Variants in SLA2 observed in about 807,000 individuals in gnomAD.
SLA2 encodes the protein Src like adaptor 2, also known as src-like-adapter 2.
In SLA2, 22 loss-of-function variants were observed where a neutral mutation model predicts 27.3. That is an observed-to-expected ratio of 0.81 (90% CI 0.58 to 1.15). The LOEUF (loss-of-function observed/expected upper bound fraction) is 1.15. Ranked by LOEUF, SLA2 falls within the 50% of genes most tolerant of loss-of-function variation. The probability of loss-of-function intolerance (pLI) is 0.00; values close to 1 mark genes in which losing one functional copy is unlikely to be tolerated. For missense variants in SLA2, 304 were observed against 322.2 expected (o/e 0.94, Z 0.43); for synonymous variants, 131 against 137.8 (o/e 0.95, Z 0.34).
intron 2 of SLA2, among the ~76,000 whole-genome samples, chr20:36,639,299 T>C (rs7274018): frequency 0.015 from 2,352 of 152,238 alleles, 70 homozygotes; most frequent in African/African-American, 0.054. Context: ...AACTCAGGAC[T>C]GCAGCATCAG....
intron 4 of SLA2, 65 bp downstream of exon 4, chr20:36,633,478 A>G (rs1312658810): frequency 1.5e-6 from 2 of 1,367,592 alleles, no homozygotes; most frequent in African/African-American, 2.9e-5. Flanking sequence ...CCGTGCACAA[A>G]GGGGAGTTCT....
rs1450936539 is a variant in SLA2, at chr20:36,645,960, C to G, written c.-167G>C. On this transcript the variant is annotated 5_prime_UTR_variant, in exon 1 of 8. Coordinates refer to ENST00000262866, the MANE Select transcript of SLA2 (RefSeq NM_032214.4). ...GTCCTTGGTCCTAGGACACCCAGAA[C>G]TCTCTCAGCCTGGGAGGATCTTCAG... The G allele has an allele frequency of 6.6e-6, 1 of 152,322 alleles. No individual in the cohort carries two copies. Among genetic ancestry groups the G allele is most frequent in the Non-Finnish European group, 1.5e-5 (1 of 68,124 alleles). 9.4% of individuals were successfully genotyped at this position (152,322 alleles called of 1,614,324 possible).
At position 36,615,274 on chromosome 20, in the gene SLA2, T is replaced by C. The variant is rs1372869666; in HGVS notation, c.483A>G (p.Ser161=). ...HCLDNGWLYI[S]PRLTFPSLQA... ...GGAGTGAGGGGAAGGTGAGGCGCGG[T>C]GAGATGTACAGCCAGCCATTGTCAA... is the stretch of plus-strand genomic sequence containing the variant. Residue 161 remains serine (S), a synonymous_variant, in exon 6 of 8, where the codon TCA becomes TCG. Coordinates refer to ENST00000262866, the MANE Select transcript of SLA2 (RefSeq NM_032214.4). 6.2e-7 allele frequency: 1 copy of C among 1,613,786 alleles called. No homozygotes were observed. The highest frequency in any genetic ancestry group is 1.7e-5 in the Admixed American group (1 of 59,972).
chr20:36,643,665 A>G (rs1258517189), intron 1 of SLA2, among the ~76,000 whole-genome samples: 1 of 152,056 alleles, frequency 6.6e-6, no homozygotes, highest in Non-Finnish European at 1.5e-5. Flanking sequence ...GAATAACAAT[A>G]CCTGGGCCGG....
At chr20:36,628,236 G>A (rs796116302) in intron 5 of SLA2, among the ~76,000 whole-genome samples, 12 of 152,256 alleles carry the variant, frequency 7.9e-5, no homozygotes, top group African/African-American at 2.4e-4. Flanking sequence ...GTTCTATGAC[G>A]TCACTTGGGC....
intron 2 of SLA2, among the ~76,000 whole-genome samples, chr20:36,636,611 G>GAA (rs1185102769): frequency 0.23 from 17,132 of 73,492 alleles, 2,563 homozygotes; most frequent in Non-Finnish European, 0.3. Flanking sequence ...ATCTCAAAAA[G>GAA]AAAAAAAAAA....
Position 36,641,231 on chromosome 20 carries a change from G to A in SLA2, c.91+14C>T. ...TGTGGGAAGAGCCTGGCTGTCACAGGCCCTGAGGCCTACCTGCTTCCATGG... is the reference window on the plus strand; with the variant it reads ...TGTGGGAAGAGCCTGGCTGTCACAGACCCTGAGGCCTACCTGCTTCCATGG... On this transcript the variant is annotated intron_variant, in intron 2 of 7. Transcript: ENST00000262866. 6.2e-7 allele frequency: 1 copy of A among 1,610,226 alleles called. No individual in the cohort carries two copies. The highest frequency in any genetic ancestry group is 2.2e-5 in the East Asian group (1 of 44,818).
intron 5 of SLA2, chr20:36,621,182 G>C (rs2039278528): frequency 2.1e-6 from 1 of 471,198 alleles, no homozygotes; most frequent in African/African-American, 2.0e-5. Context: ...GAAAACCAAG[G>C]TGGTGGATAT....
intron 2 of SLA2, among the ~76,000 whole-genome samples, chr20:36,637,489 C>T (rs1200176199): frequency 6.6e-6 from 1 of 152,030 alleles, no homozygotes; most frequent in Non-Finnish European, 1.5e-5. Context: ...GCCACTGCAC[C>T]CAGCCTACCT....
intron 5 of SLA2, among the ~76,000 whole-genome samples, chr20:36,628,221 C>T (rs1282986228): frequency 2.0e-5 from 3 of 152,152 alleles, no homozygotes; most frequent in Admixed American, 1.3e-4. Context: ...AGTCTGAGAA[C>T]CACTGTTCTA....
intron 1 of SLA2, among the ~76,000 whole-genome samples, chr20:36,644,807 C>G (rs550101265): frequency 6.7e-6 from 1 of 150,182 alleles, no homozygotes; most frequent in Non-Finnish European, 1.5e-5. Flanking sequence ...CATGAGGCAT[C>G]GGGTGAAAGG....
chr20:36,641,476 G>A, intron 1 of SLA2, 98 bp from the exon 2 acceptor site: 1 of 628,890 alleles, frequency 1.6e-6, no homozygotes, highest in Admixed American at 2.4e-5. Flanking sequence ...TCCTCACAGA[G>A]CATGTGAATG....
At chr20:36,633,317 A>G (rs144454797) in intron 4 of SLA2, among the ~76,000 whole-genome samples, 211 of 152,164 alleles carry the variant, frequency 1.4e-3, no homozygotes, top group African/African-American at 4.6e-3. Context: ...CAAAGCCCAG[A>G]GCTCCACACC....
intron 1 of SLA2, among the ~76,000 whole-genome samples, chr20:36,643,667 C>T (rs1978285416): frequency 6.6e-6 from 1 of 152,030 alleles, no homozygotes; most frequent in Non-Finnish European, 1.5e-5. Flanking sequence ...ATAACAATAC[C>T]TGGGCCGGGC....
chr20:36,621,060 TG>T (rs2039276985), intron 5 of SLA2: 1 of 357,434 alleles, frequency 2.8e-6, no homozygotes, highest in Non-Finnish European at 5.6e-6. Context: ...AAGACTGTGG[TG>T]GTGGAGATGG....
chr20:36,620,489 G>A, intron 5 of SLA2: 1 of 216,448 alleles, frequency 4.6e-6, no homozygotes, highest in Non-Finnish European at 9.2e-6. Context: ...GACAAGCAGA[G>A]TCGAAAAAAG....
At chr20:36,638,556 T>C (rs2039476147) in intron 2 of SLA2, among the ~76,000 whole-genome samples, 1 of 152,158 alleles carries the variant, frequency 6.6e-6, no homozygotes, top group Non-Finnish European at 1.5e-5. Context: ...CTCAAACTCC[T>C]GACCTCAGGT....
chr20:36,627,907 A>G (rs925123730), intron 5 of SLA2, among the ~76,000 whole-genome samples: 5 of 152,236 alleles, frequency 3.3e-5, no homozygotes, highest in African/African-American at 1.2e-4. Flanking sequence ...CTCGTGTGGA[A>G]TCAGTGCCTT....
chr20:36,640,336 C>A (rs2039493885), intron 2 of SLA2, among the ~76,000 whole-genome samples: 1 of 151,854 alleles, frequency 6.6e-6, no homozygotes, highest in South Asian at 2.1e-4. Flanking sequence ...AAAAGACAGC[C>A]CTAATTTCAC....
Sources: allele counts gnomAD v4.1 joint callset (sites outside exome capture counted in the v4.1 genomes callset), GRCh38; gene constraint gnomAD v4.1.1; transcripts MANE v1.5; gene names NCBI Gene and HGNC (gene_info 2026-07-23, HGNC 2026-07-21).